NAALADL2: variants seen among roughly 807,000 people sequenced by gnomAD.
The protein encoded by NAALADL2 is N-acetylated alpha-linked acidic dipeptidase like 2.
In NAALADL2, 76 loss-of-function variants were observed where a neutral mutation model predicts 87.2. That is an observed-to-expected ratio of 0.87 (90% CI 0.72 to 1.05). NAALADL2 has a LOEUF of 1.05. Among genes scored for constraint, NAALADL2 ranks in the 50% least tolerant of loss-of-function variants. NAALADL2 has a pLI of 0.00. For synonymous variants in NAALADL2, 354 were observed against 331.0 expected (o/e 1.07, Z -0.75); for missense variants, 1,089 against 945.8 (o/e 1.15, Z -1.99).
At chr3:174,524,263 C>A (rs1010433672) in intron 1 of NAALADL2, among the ~76,000 whole-genome samples, 1 of 152,072 alleles carries the variant, frequency 6.6e-6, no homozygotes, top group African/African-American at 2.4e-5. Context: ...TATATCAAGG[C>A]TCACATAGAA....
chr3:175,291,773 A>T (rs1755668050), intron 4 of NAALADL2, among the ~76,000 whole-genome samples: 1 of 152,152 alleles, frequency 6.6e-6, no homozygotes, highest in Non-Finnish European at 1.5e-5. Flanking sequence ...GAGAGTTTCC[A>T]CAAACCAAGA....
In NAALADL2 at chr3:175,563,385, C is replaced by A. The variant is rs1382415906; in HGVS notation, c.1654-12656C>A. Among the ~76,000 whole-genome samples, 4 of 151,730 alleles carry A rather than the reference C, an allele frequency of 2.6e-5. No homozygotes were observed. In the East Asian group the frequency reaches 7.7e-4, roughly 29 times the overall value. The stretch of plus-strand genomic sequence containing the variant: ...AGTTTACTTGAAAGCAGGTTTTGCC[C>A]AGCAAGAAATTAAGAAAGAATGTTT... On this transcript the variant is annotated intron_variant, in intron 9 of 13. Transcript: ENST00000454872.
At chr3:174,817,774 G>C (rs774022056) in intron 3 of NAALADL2, among the ~76,000 whole-genome samples, 11 of 152,100 alleles carry the variant, frequency 7.2e-5, no homozygotes, top group Non-Finnish European at 1.5e-4. Flanking sequence ...ATACTTTGTA[G>C]CTTCTTATAA....
At chr3:175,132,005 C>T (rs1191317978) in intron 2 of NAALADL2, among the ~76,000 whole-genome samples, 1 of 125,850 alleles carries the variant, frequency 7.9e-6, no homozygotes, top group African/African-American at 3.1e-5. Context: ...GACTGACCCC[C>T]CCACCTCCCT....
chr3:175,256,330 A>T, intron 3 of NAALADL2, 81 bp from the exon 4 acceptor site: 2 of 1,300,190 alleles, frequency 1.5e-6, no homozygotes, highest in Non-Finnish European at 2.1e-6. Flanking sequence ...TATGATGAAT[A>T]ATTTTGTTAT....
chr3:175,758,093 T>C (rs1218845880), intron 13 of NAALADL2, among the ~76,000 whole-genome samples: 1 of 152,096 alleles, frequency 6.6e-6, no homozygotes, highest in African/African-American at 2.4e-5. Context: ...ATTTATGAAC[T>C]CAATTTACTT....
At chr3:174,725,036 G>C (rs1301986116) in intron 2 of NAALADL2, among the ~76,000 whole-genome samples, 5 of 152,210 alleles carry the variant, frequency 3.3e-5, no homozygotes, top group African/African-American at 1.2e-4. Flanking sequence ...GAGAAGCACT[G>C]CCTTTCAGTA....
At chr3:175,734,060 T>C (rs1169896152) in intron 11 of NAALADL2, among the ~76,000 whole-genome samples, 2 of 152,148 alleles carry the variant, frequency 1.3e-5, no homozygotes, top group African/African-American at 2.4e-5. Flanking sequence ...GTGCAAGCTG[T>C]TGGTGGATCT....
At chr3:174,920,877 G>T (rs1172555993) in intron 1 of NAALADL2, among the ~76,000 whole-genome samples, 1 of 152,138 alleles carries the variant, frequency 6.6e-6, no homozygotes, top group Non-Finnish European at 1.5e-5. Flanking sequence ...CAGTATAGTT[G>T]TGTGTCTGAG....
chr3:175,664,455 G>T (rs962654512), intron 11 of NAALADL2, among the ~76,000 whole-genome samples: 2 of 152,112 alleles, frequency 1.3e-5, no homozygotes, highest in Non-Finnish European at 1.5e-5. Flanking sequence ...ATAAAAGCCA[G>T]TTGTAGTAGA....
chr3:175,313,928 G>A (rs989406528), intron 4 of NAALADL2, among the ~76,000 whole-genome samples: 2 of 151,804 alleles, frequency 1.3e-5, no homozygotes, highest in Non-Finnish European at 2.9e-5. Context: ...TGGGAGTGGT[G>A]GTGCGCGCCT....
chr3:174,698,457 T>C (rs529138222), intron 2 of NAALADL2, among the ~76,000 whole-genome samples: 1 of 152,318 alleles, frequency 6.6e-6, no homozygotes, highest in South Asian at 2.1e-4. Context: ...TTAAGAAGTC[T>C]ACAATGTAAT....
chr3:174,859,666 A>T (rs1726235990), intron 1 of NAALADL2, among the ~76,000 whole-genome samples: 1 of 151,932 alleles, frequency 6.6e-6, no homozygotes, highest in Admixed American at 6.6e-5. Flanking sequence ...GTTTACAAAG[A>T]CTCAGGCAAC....
rs1371912159 is a variant in NAALADL2 at position 175,808,917 on chromosome 3, G to A, written c.*5714G>A. The stretch of plus-strand genomic sequence containing the variant: ...AAATGTGTAATTATTTAATTATCTA[G>A]CCTGCTCAGTAATCATAACTCTCCA... On this transcript the variant is annotated 3_prime_UTR_variant, in exon 14 of 14. Transcript: ENST00000454872. 1.3e-5 allele frequency: 2 copies of A among 151,792 alleles called. No individual in the cohort carries two copies. Among genetic ancestry groups the A allele is most frequent in the South Asian group, 2.1e-4 (1 of 4,820 alleles). 9.4% of individuals were successfully genotyped at this position (151,792 alleles called of 1,614,324 possible).
intron 3 of NAALADL2, among the ~76,000 whole-genome samples, chr3:174,835,954 C>A (rs1364393939): frequency 2.6e-5 from 4 of 152,096 alleles, no homozygotes; most frequent in Non-Finnish European, 4.4e-5. Context: ...GGTTCCTAAA[C>A]AAAATTTAAA....
chr3:175,133,432 A>G (rs1728542916), intron 2 of NAALADL2, among the ~76,000 whole-genome samples: 1 of 152,234 alleles, frequency 6.6e-6, no homozygotes, highest in Non-Finnish European at 1.5e-5. Flanking sequence ...CCTGGGCACC[A>G]TTGAGCACTG....
At chr3:175,044,340 A>C (rs1754429607) in intron 1 of NAALADL2, among the ~76,000 whole-genome samples, 1 of 152,046 alleles carries the variant, frequency 6.6e-6, no homozygotes, top group South Asian at 2.1e-4. Flanking sequence ...GATTGAAATC[A>C]TTTCTCTCTC....
intron 2 of NAALADL2, among the ~76,000 whole-genome samples, chr3:174,736,692 A>G (rs193252765): frequency 6.6e-6 from 1 of 152,194 alleles, no homozygotes; most frequent in Admixed American, 6.5e-5. Context: ...AAAAAGCACC[A>G]TAGTTCCCAT....
chr3:175,491,182 T>C (rs1728029856), intron 9 of NAALADL2, among the ~76,000 whole-genome samples: 1 of 42,680 alleles, frequency 2.3e-5, no homozygotes, highest in Non-Finnish European at 8.2e-5. Flanking sequence ...TCCTATAAAA[T>C]AGTATTTTAT....
Sources: gnomAD v4.1 joint callset for allele counts (sites outside exome capture counted in the v4.1 genomes callset) on GRCh38, gnomAD v4.1.1 for gene constraint, MANE v1.5 for transcripts, NCBI Gene and HGNC (gene_info 2026-07-23, HGNC 2026-07-21) for gene names.